Variants in PDZD2 observed in about 807,000 individuals in gnomAD.
The protein encoded by PDZD2 is PDZ domain-containing protein 2.
Under a neutral mutation model 220.7 loss-of-function variants are expected in PDZD2, and 90 were observed. The observed-to-expected ratio is 0.41, with a 90% CI of 0.34 to 0.49. PDZD2 has a LOEUF of 0.49. PDZD2 is among the 20% of genes least tolerant of loss of function. The probability of loss-of-function intolerance (pLI) is 0.28; values close to 1 mark genes in which losing one functional copy is unlikely to be tolerated. For synonymous variants in PDZD2, 1,375 were observed against 1,450.5 expected (o/e 0.95, Z 1.18); for missense variants, 3,174 against 3,608.5 (o/e 0.88, Z 3.08).
At chr5:31,659,118 T>G (rs919892169) in intron 1 of PDZD2, among the ~76,000 whole-genome samples, 1 of 152,184 alleles carries the variant, frequency 6.6e-6, no homozygotes, top group African/African-American at 2.4e-5. Context: ...CTGACACCAC[T>G]TCTCAGACAC....
intron 15 of PDZD2, among the ~76,000 whole-genome samples, chr5:32,070,197 C>A (rs1372895806): frequency 6.6e-6 from 1 of 152,012 alleles, no homozygotes; most frequent in East Asian, 1.9e-4. Flanking sequence ...AGCATGGAAG[C>A]CTAAAGGGAC....
intron 2 of PDZD2, among the ~76,000 whole-genome samples, chr5:31,949,419 A>C (rs190707714): frequency 1.3e-5 from 2 of 152,298 alleles, no homozygotes; most frequent in East Asian, 3.9e-4. Flanking sequence ...AAAGAAATTT[A>C]GTGACAGAAT....
At chr5:31,901,204 G>GC (rs1742064286) in intron 2 of PDZD2, among the ~76,000 whole-genome samples, 1 of 152,024 alleles carries the variant, frequency 6.6e-6, no homozygotes, top group Non-Finnish European at 1.5e-5. Flanking sequence ...GTTCACTTAA[G>GC]GTCAGGAGTT....
Position 31,702,999 on chromosome 5 carries a change from T to G in PDZD2, c.-361+63562T>G, listed in dbSNP as rs184855107. 9.6e-4 allele frequency among the ~76,000 whole-genome samples: 146 copies of G among 152,336 alleles called. No individual in the cohort carries two copies. In the East Asian group the frequency reaches 0.026, roughly 28 times the overall value. On this transcript the variant is annotated intron_variant, in intron 1 of 24. Coordinates refer to ENST00000438447, the MANE Select transcript of PDZD2 (RefSeq NM_178140.4). ...GGATGGCCTCTGCCCTCACATTTGC[T>G]TTCCTTCCTGTGGCCCTCCCTGTTT... is the stretch of plus-strand genomic sequence containing the variant.
In PDZD2 at chr5:32,108,022, A is replaced by G. The variant is rs1211922745; in HGVS notation, c.8407A>G (p.Ile2803Val). The change falls in exon 25 of 25, where the codon ATT (isoleucine) becomes GTT (valine). Residue 2803 changes from isoleucine (I) to valine (V), a missense_variant. By Grantham distance (29) the Ile-to-Val change is conservative. Coordinates refer to ENST00000438447, the MANE Select transcript of PDZD2 (RefSeq NM_178140.4). ...AGAAGCTGGAGATGAAATTCTTGCT[A>G]TTAATGGGAAACCTCTGGTTGGGCT... The part of the protein sequence containing the change: ...IIEAGDEILA[I>V]NGKPLVGLMH... 1 of 1,612,768 alleles carries G rather than the reference A, an allele frequency of 6.2e-7. No individual in the cohort carries two copies. Among genetic ancestry groups the G allele is most frequent in the Admixed American group, 1.7e-5 (1 of 59,984 alleles).
intron 1 of PDZD2, among the ~76,000 whole-genome samples, chr5:31,684,054 C>T (rs1419335940): frequency 6.6e-6 from 1 of 152,100 alleles, no homozygotes; most frequent in Non-Finnish European, 1.5e-5. Context: ...ATTGCCTCAA[C>T]ACCAGTTATC....
Position 32,053,876 on chromosome 5 carries a change from T to A in PDZD2, c.1893T>A (p.Leu631=). The A allele has an allele frequency of 6.4e-7, 1 of 1,574,214 alleles. No homozygotes were observed. Among genetic ancestry groups the A allele is most frequent in the Non-Finnish European group, 8.7e-7 (1 of 1,143,676 alleles). ...PNGSAAEDGR[L]KEGDEILDVN... Reference sequence around the variant, plus strand: ...GATCAGCTGCAGAGGACGGAAGACTTAAAGAAGGTAGGGGAAAGCCTCTTG... The same window carrying A: ...GATCAGCTGCAGAGGACGGAAGACTAAAAGAAGGTAGGGGAAAGCCTCTTG... Residue 631 remains leucine (L), a synonymous_variant, in exon 10 of 25, where the codon CTT becomes CTA. Coordinates refer to ENST00000438447, the MANE Select transcript of PDZD2 (RefSeq NM_178140.4).
rs192808562 is a variant in PDZD2, at chr5:32,014,009, G to A, written c.1407+3527G>A. On this transcript the variant is annotated intron_variant, in intron 6 of 24. Transcript: ENST00000438447. ...CCAGGCTTCACAGTCTACCAGGGTC[G>A]GCCCTGCTGTGCCTTATAAAGGTGC... 5.9e-5 allele frequency among the ~76,000 whole-genome samples: 9 copies of A among 152,284 alleles called. No homozygotes were observed. In the East Asian group the frequency reaches 1.3e-3, roughly 23 times the overall value.
chr5:32,020,068 ATTTAAT>A (rs1300544502), intron 6 of PDZD2, among the ~76,000 whole-genome samples: 1 of 125,150 alleles, frequency 8.0e-6, no homozygotes. Context: ...TATTTTTTTA[ATTTAAT>A]TTTTTTTTTT....
intron 14 of PDZD2, among the ~76,000 whole-genome samples, chr5:32,063,392 GAGA>G (rs1021753607): frequency 1.3e-5 from 2 of 152,182 alleles, no homozygotes; most frequent in African/African-American, 4.8e-5. Flanking sequence ...GAAGGAAAGA[GAGA>G]AGATCCTTCA....
intron 1 of PDZD2, among the ~76,000 whole-genome samples, chr5:31,703,158 A>G (rs1747671351): frequency 6.6e-6 from 1 of 152,228 alleles, no homozygotes; most frequent in Non-Finnish European, 1.5e-5. Context: ...CTTTTGCCTT[A>G]ATTGTAAAGA....
chr5:31,717,361 A>G (rs190427), intron 1 of PDZD2, among the ~76,000 whole-genome samples: 37,904 of 152,088 alleles, frequency 0.25, 5,021 homozygotes, highest in East Asian at 0.38. Context: ...AATGCAGTCT[A>G]GCCTGGGAAA....
At chr5:32,096,822 T>C (rs1268944670) in intron 21 of PDZD2, among the ~76,000 whole-genome samples, 1 of 144,466 alleles carries the variant, frequency 6.9e-6, no homozygotes, top group Non-Finnish European at 1.5e-5. Flanking sequence ...TCAAATTATG[T>C]ACTATGATTT....
At chr5:31,964,605 A>G (rs1164855827) in intron 2 of PDZD2, among the ~76,000 whole-genome samples, 1 of 152,182 alleles carries the variant, frequency 6.6e-6, no homozygotes, top group Non-Finnish European at 1.5e-5. Context: ...ACATCAGATT[A>G]GCTAAGTCCT....
intron 6 of PDZD2, among the ~76,000 whole-genome samples, chr5:32,013,759 A>G (rs1178660687): frequency 6.6e-6 from 1 of 152,118 alleles, no homozygotes; most frequent in Non-Finnish European, 1.5e-5. Context: ...TCCCTTGTGC[A>G]CCAGACGGGA....
At chr5:32,039,521 C>T (rs555035107) in intron 7 of PDZD2, among the ~76,000 whole-genome samples, 20 of 152,322 alleles carry the variant, frequency 1.3e-4, no homozygotes, top group Admixed American at 3.3e-4. Context: ...TCTGCCCGCC[C>T]GCCACCCCGT....
intron 1 of PDZD2, among the ~76,000 whole-genome samples, chr5:31,678,803 C>A (rs982496612): frequency 2.0e-5 from 3 of 152,082 alleles, no homozygotes; most frequent in Non-Finnish European, 4.4e-5. Flanking sequence ...GACAGGATTT[C>A]ACTATGTTGG....
intron 1 of PDZD2, among the ~76,000 whole-genome samples, chr5:31,742,993 A>C (rs1750358007): frequency 6.6e-6 from 1 of 152,124 alleles, no homozygotes; most frequent in South Asian, 2.1e-4. Context: ...TGAATTCAGA[A>C]ACTTTTCCAA....
intron 1 of PDZD2, among the ~76,000 whole-genome samples, chr5:31,641,272 C>T (rs1744937540): frequency 6.6e-6 from 1 of 152,104 alleles, no homozygotes; most frequent in Admixed American, 6.5e-5. Context: ...GTAGTAGACG[C>T]CATGTGTTTA....
Sources: allele counts gnomAD v4.1 joint callset (sites outside exome capture counted in the v4.1 genomes callset), GRCh38; gene constraint gnomAD v4.1.1; transcripts MANE v1.5; gene names NCBI Gene and HGNC (gene_info 2026-07-23, HGNC 2026-07-21).